The following GALNT13 variants were observed in gnomAD, a reference collection of about 807,000 sequenced individuals.
GALNT13 encodes the protein polypeptide N-acetylgalactosaminyltransferase 13.
In GALNT13, 28 loss-of-function variants were observed where a neutral mutation model predicts 64.2. The observed-to-expected ratio is 0.44, with a 90% CI of 0.32 to 0.60. The LOEUF is 0.60. Ranked by LOEUF, GALNT13 falls within the 20% of genes least tolerant of loss-of-function variation. GALNT13 has a pLI of 0.05. For synonymous variants in GALNT13, 214 were observed against 224.6 expected (o/e 0.95, Z 0.42); for missense variants, 577 against 669.8 (o/e 0.86, Z 1.53).
the GALNT13 span, among the ~76,000 whole-genome samples, chr2:153,169,789 A>T: frequency 6.6e-6 from 1 of 152,148 alleles, no homozygotes; most frequent in Non-Finnish European, 1.5e-5. Flanking sequence ...GAGCCATTTT[A>T]TATTTAAAGG....
the GALNT13 span, among the ~76,000 whole-genome samples, chr2:153,551,927 C>T: frequency 6.6e-6 from 1 of 152,008 alleles, no homozygotes; most frequent in East Asian, 1.9e-4. Context: ...GTGAACTGAG[C>T]CCTGGGACTG....
the GALNT13 span, among the ~76,000 whole-genome samples, chr2:153,731,440 C>T: frequency 1.3e-5 from 2 of 151,792 alleles, no homozygotes; most frequent in African/African-American, 2.4e-5. Context: ...CTAGACTTTA[C>T]CACTGCACGA....
At chr2:153,415,635 T>C in the GALNT13 span, among the ~76,000 whole-genome samples, 3 of 152,160 alleles carry the variant, frequency 2.0e-5, no homozygotes, top group Non-Finnish European at 4.4e-5. Flanking sequence ...TATGAAACAA[T>C]GTTCACCATA....
chr2:153,774,546 T>C, the GALNT13 span, among the ~76,000 whole-genome samples: 2 of 152,180 alleles, frequency 1.3e-5, no homozygotes, highest in East Asian at 3.9e-4. Flanking sequence ...TTCCCTATAA[T>C]CCCTTTGACA....
chr2:153,449,451 T>C, the GALNT13 span, among the ~76,000 whole-genome samples: 2 of 152,256 alleles, frequency 1.3e-5, no homozygotes, highest in Admixed American at 6.5e-5. Flanking sequence ...TTTTCCCCCA[T>C]GCCTCTGGCT....
chr2:153,748,212 A>G, the GALNT13 span, among the ~76,000 whole-genome samples: 1 of 152,124 alleles, frequency 6.6e-6, no homozygotes, highest in Non-Finnish European at 1.5e-5. Flanking sequence ...AGATTCCTCA[A>G]AGAAATAGTT....
intron 3 of GALNT13, among the ~76,000 whole-genome samples, chr2:154,115,905 G>T (rs1234517926): frequency 6.6e-6 from 1 of 152,040 alleles, no homozygotes; most frequent in Non-Finnish European, 1.5e-5. Context: ...GAAAACTCAA[G>T]CAGTTGTTTT....
At chr2:153,180,272 T>C in the GALNT13 span, among the ~76,000 whole-genome samples, 1 of 152,188 alleles carries the variant, frequency 6.6e-6, no homozygotes, top group Non-Finnish European at 1.5e-5. Context: ...TTTCTCCATC[T>C]AATGAGACGA....
chr2:153,285,883 A>G, the GALNT13 span, among the ~76,000 whole-genome samples: 1 of 152,138 alleles, frequency 6.6e-6, no homozygotes, highest in African/African-American at 2.4e-5. Context: ...GTAATTAGTC[A>G]AGAAAAACAT....
chr2:153,963,173 A>C (rs921536495), intron 3 of GALNT13, among the ~76,000 whole-genome samples: 3 of 152,160 alleles, frequency 2.0e-5, no homozygotes, highest in African/African-American at 7.2e-5. Flanking sequence ...GTGCCACTAT[A>C]AATCCTATTA....
chr2:154,283,686 CACACACAT>C (rs987567195), intron 8 of GALNT13, among the ~76,000 whole-genome samples: 2 of 151,356 alleles, frequency 1.3e-5, no homozygotes, highest in Non-Finnish European at 2.9e-5. Context: ...ACAAAATACA[CACACACAT>C]ACACACATCT....
the GALNT13 span, among the ~76,000 whole-genome samples, chr2:153,377,786 T>A: frequency 1.3e-5 from 2 of 152,076 alleles, no homozygotes; most frequent in African/African-American, 4.8e-5. Context: ...AGAAAACGAA[T>A]ACAGTGCCCA....
At chr2:154,428,006 C>A (rs974263363) in intron 11 of GALNT13, among the ~76,000 whole-genome samples, 27 of 152,056 alleles carry the variant, frequency 1.8e-4, no homozygotes, top group African/African-American at 5.6e-4. Context: ...TCTTTGATTT[C>A]AATACAAATT....
chr2:154,414,847 A>G (rs948127224), intron 11 of GALNT13, among the ~76,000 whole-genome samples: 2 of 151,934 alleles, frequency 1.3e-5, no homozygotes, highest in Non-Finnish European at 2.9e-5. Context: ...TTGCCTTAAT[A>G]CTTTCTCTTT....
chr2:154,194,136 T>C lies in GALNT13; in HGVS notation c.312-47894T>C, dbSNP rs184324113. On this transcript the variant is annotated intron_variant, in intron 4 of 12. Transcript: ENST00000392825. ...GAACCTCAAGAGGTAAGTCTCATCATGTGTTTTTTTTCTTTTAAAGTTCCA... is the reference window on the plus strand; with the variant it reads ...GAACCTCAAGAGGTAAGTCTCATCACGTGTTTTTTTTCTTTTAAAGTTCCA... Among the ~76,000 whole-genome samples, 72 of 151,504 alleles carry C rather than the reference T, an allele frequency of 4.8e-4. No individual in the cohort carries two copies. The East Asian group carries it at 0.012, about 24-fold the overall frequency.
chr2:154,143,118 A>G (rs529668519), intron 4 of GALNT13, among the ~76,000 whole-genome samples: 1 of 152,270 alleles, frequency 6.6e-6, no homozygotes, highest in Non-Finnish European at 1.5e-5. Flanking sequence ...GGGTGATTTC[A>G]AGACGAAACT....
intron 3 of GALNT13, among the ~76,000 whole-genome samples, chr2:154,082,828 T>C (rs547254032): frequency 1.3e-5 from 2 of 152,154 alleles, no homozygotes; most frequent in East Asian, 3.9e-4. Context: ...GTTAGATGGA[T>C]AGATTGCAAA....
At chr2:153,414,124 C>T in the GALNT13 span, among the ~76,000 whole-genome samples, 1 of 151,904 alleles carries the variant, frequency 6.6e-6, no homozygotes, top group East Asian at 1.9e-4. Flanking sequence ...ACTTATAATC[C>T]CAGCACTTTG....
intron 10 of GALNT13, among the ~76,000 whole-genome samples, chr2:154,404,392 C>A (rs1699434011): frequency 6.6e-6 from 1 of 152,140 alleles, no homozygotes. Flanking sequence ...GAATGATAAA[C>A]AATTTTGACA....
Sources: allele counts gnomAD v4.1 joint callset (sites outside exome capture counted in the v4.1 genomes callset), GRCh38; gene constraint gnomAD v4.1.1; transcripts MANE v1.5; gene names NCBI Gene and HGNC (gene_info 2026-07-23, HGNC 2026-07-21).